The following EVI5 variants were observed in gnomAD, a reference collection of about 807,000 sequenced individuals.
EVI5 encodes the protein ecotropic viral integration site 5, also known as ecotropic viral integration site 5 protein homolog.
In EVI5, 73 loss-of-function variants were observed where a neutral mutation model predicts 112.0. The observed-to-expected ratio is 0.65, with a 90% confidence interval of 0.54 to 0.79. The LOEUF is 0.79. EVI5 is among the 30% of genes least tolerant of loss of function. The pLI is 0.00. For synonymous variants in EVI5, 305 were observed against 319.9 expected (o/e 0.95, Z 0.50); for missense variants, 900 against 968.8 (o/e 0.93, Z 0.94).
At chr1:92,683,429 G>A (rs1314873508) in intron 9 of EVI5, among the ~76,000 whole-genome samples, 1 of 152,066 alleles carries the variant, frequency 6.6e-6, no homozygotes. Flanking sequence ...AAAGACCAAA[G>A]GTAGATAAAA....
At chr1:92,612,985 CA>C (rs1329324761) in intron 16 of EVI5, among the ~76,000 whole-genome samples, 1 of 152,178 alleles carries the variant, frequency 6.6e-6, no homozygotes, top group Non-Finnish European at 1.5e-5. Context: ...GGTACACACA[CA>C]AAAGACTGGT....
chr1:92,669,561 A>AAAAAAAAAAAAAAAAAAAAAAC, intron 10 of EVI5, among the ~76,000 whole-genome samples: 1 of 149,806 alleles, frequency 6.7e-6, no homozygotes, highest in South Asian at 2.1e-4. Context: ...AAAAAAAAAA[A>AAAAAAAAAAAAAAAAAAAAAAC]TCACTGGGAA....
At chr1:92,611,934 A>AT (rs947617926) in intron 16 of EVI5, among the ~76,000 whole-genome samples, 2 of 151,982 alleles carry the variant, frequency 1.3e-5, no homozygotes, top group African/African-American at 4.8e-5. Context: ...AGAAAAAAAA[A>AT]TTAAATAGAA....
chr1:92,667,473 C>G (rs1432131543), intron 10 of EVI5, among the ~76,000 whole-genome samples: 1 of 152,120 alleles, frequency 6.6e-6, no homozygotes, highest in East Asian at 1.9e-4. Context: ...AGCACTTTAC[C>G]TAATTATTCA....
intron 18 of EVI5, among the ~76,000 whole-genome samples, chr1:92,568,587 C>T (rs1222389898): frequency 6.6e-6 from 1 of 152,000 alleles, no homozygotes; most frequent in African/African-American, 2.4e-5. Context: ...AGGTACCATC[C>T]TTGGAAGAAC....
At position 92,534,284 on chromosome 1, in the gene EVI5, CACAA is replaced by C. The variant is rs531395336; in HGVS notation, c.2167-20318_2167-20315del. Among the ~76,000 whole-genome samples, 45 of 152,148 alleles carry C rather than the reference CACAA, an allele frequency of 3.0e-4. No individual in the cohort carries two copies. The South Asian group carries it at 7.9e-3, about 27-fold the overall frequency. On this transcript the variant is annotated intron_variant, in intron 19 of 19. Coordinates refer to ENST00000684568, the MANE Select transcript of EVI5 (RefSeq NM_001350197.2). ...CACTGCTCAAGGAAATAAGAGAGGA[CACAA>C]ACAAATGGAAAAACATTCCATGCTT... is the stretch of plus-strand genomic sequence containing the variant.
chr1:92,646,910 A>G, intron 13 of EVI5: 1 of 213,912 alleles, frequency 4.7e-6, no homozygotes, highest in Non-Finnish European at 1.0e-5. Context: ...AGAGACTGCA[A>G]TATGATTGTG....
chr1:92,721,769 T>C (rs1427302920), intron 2 of EVI5, among the ~76,000 whole-genome samples: 1 of 152,216 alleles, frequency 6.6e-6, no homozygotes, highest in Non-Finnish European at 1.5e-5. Flanking sequence ...GTGAATTGTA[T>C]GGGAATAAGC....
Position 92,670,638 on chromosome 1 carries a change from T to G in EVI5, c.1159-4646A>C, listed in dbSNP as rs374824266. On this transcript the variant is annotated intron_variant, in intron 10 of 19. Coordinates refer to ENST00000684568, the MANE Select transcript of EVI5 (RefSeq NM_001350197.2). ...TTATTTAAATTACTGATCACTAAAT[T>G]CAATATGGTTCTTAGCAATAATAAT... Among the ~76,000 whole-genome samples, 37 of 152,270 alleles carry G rather than the reference T, an allele frequency of 2.4e-4. No individual in the cohort carries two copies. The South Asian group carries it at 7.7e-3, about 32-fold the overall frequency.
At chr1:92,608,895 T>C (rs1186447572) in intron 16 of EVI5, among the ~76,000 whole-genome samples, 1 of 152,204 alleles carries the variant, frequency 6.6e-6, no homozygotes, top group Non-Finnish European at 1.5e-5. Flanking sequence ...CTAGTATCTC[T>C]GAGTCTCTAT....
At chr1:92,775,772 T>C (rs938299264) in intron 1 of EVI5, among the ~76,000 whole-genome samples, 2 of 152,194 alleles carry the variant, frequency 1.3e-5, no homozygotes, top group African/African-American at 4.8e-5. Context: ...GGGGATTTTG[T>C]GCAGTTGAGA....
chr1:92,753,532 T>C (rs1680503247), intron 1 of EVI5, among the ~76,000 whole-genome samples: 1 of 152,206 alleles, frequency 6.6e-6, no homozygotes, highest in Admixed American at 6.5e-5. Context: ...TATGAAGAAA[T>C]TATTAGTGTA....
At chr1:92,786,026 G>A (rs1685600204), upstream of EVI5, among the ~76,000 whole-genome samples, 1 of 151,878 alleles carries the variant, frequency 6.6e-6, no homozygotes, top group African/African-American at 2.4e-5. Context: ...CGGAGGTGGA[G>A]GTTGCAGTGA....
At chr1:92,726,104 T>TA (rs1570610480) in intron 2 of EVI5, among the ~76,000 whole-genome samples, 1 of 152,172 alleles carries the variant, frequency 6.6e-6, no homozygotes, top group African/African-American at 2.4e-5. Flanking sequence ...TGTGTGTACT[T>TA]AGAGTCTCTA....
intron 19 of EVI5, among the ~76,000 whole-genome samples, chr1:92,556,768 A>G (rs1667746453): frequency 6.6e-6 from 1 of 152,202 alleles, no homozygotes; most frequent in East Asian, 1.9e-4. Context: ...AACAGATATC[A>G]GAATTTAAAA....
intron 19 of EVI5, among the ~76,000 whole-genome samples, chr1:92,544,721 A>T (rs1219839816): frequency 1.3e-5 from 2 of 152,236 alleles, no homozygotes; most frequent in African/African-American, 2.4e-5. Flanking sequence ...TAATATAAAC[A>T]TATAGCCACA....
At chr1:92,637,570 AC>A (rs1659138408) in intron 13 of EVI5, among the ~76,000 whole-genome samples, 2 of 152,202 alleles carry the variant, frequency 1.3e-5, no homozygotes, top group Admixed American at 6.5e-5. Flanking sequence ...AAGCTTCTGT[AC>A]AAAAGCAATA....
rs774897516 is a variant in EVI5 at position 92,695,288 on chromosome 1, CT to C, written c.909+21del. 8 of 1,592,028 alleles carry C rather than the reference CT, an allele frequency of 5.0e-6. No individual in the cohort carries two copies. The South Asian group carries it at 9.3e-5, about 18-fold the overall frequency. On this transcript the variant is annotated intron_variant, in intron 7 of 19. Coordinates refer to ENST00000684568, the MANE Select transcript of EVI5 (RefSeq NM_001350197.2). ...GTGACCCCTTTGCTCAGCTCCTGCT[CT>C]TTGTCTGCCCATTAGCTTACCTCAG...
intron 2 of EVI5, among the ~76,000 whole-genome samples, chr1:92,720,541 A>T (rs1038389503): frequency 2.0e-5 from 3 of 152,250 alleles, no homozygotes; most frequent in Non-Finnish European, 2.9e-5. Flanking sequence ...TGGATTAAAG[A>T]CTTAAATGTT....
Sources: gnomAD v4.1 joint callset for allele counts (sites outside exome capture counted in the v4.1 genomes callset) on GRCh38, gnomAD v4.1.1 for gene constraint, MANE v1.5 for transcripts, NCBI Gene and HGNC (gene_info 2026-07-23, HGNC 2026-07-21) for gene names.